PLXNA1: variants seen among roughly 807,000 people sequenced by gnomAD.
The protein encoded by PLXNA1 is plexin A1, also known as plexin-A1.
In PLXNA1, 77 loss-of-function variants were observed where a neutral mutation model predicts 191.7. That is an observed-to-expected ratio of 0.40 (90% CI 0.33 to 0.49). The LOEUF (loss-of-function observed/expected upper bound fraction) is 0.49. PLXNA1 is among the 20% of genes least tolerant of loss of function. The probability of loss-of-function intolerance (pLI) is 0.63; values close to 1 mark genes in which losing one functional copy is unlikely to be tolerated. For missense variants in PLXNA1, 2,110 were observed against 2,660.2 expected (o/e 0.79, Z 4.55); for synonymous variants, 1,137 against 1,156.4 (o/e 0.98, Z 0.34).
Position 127,017,734 on chromosome 3 carries a change from C to A in PLXNA1, c.3517-15C>A, listed in dbSNP as rs1400164084. ...CCCCTCGTCCTGGGCTCTGGCTCAC[C>A]CCCATCTCCTACAGGGCCGGAACCT... On this transcript the variant is annotated splice_polypyrimidine_tract_variant and intron_variant, in intron 18 of 31. Transcript: ENST00000393409. 6.2e-7 allele frequency: 1 copy of A among 1,613,302 alleles called. No individual in the cohort carries two copies. Among genetic ancestry groups the A allele is most frequent in the East Asian group, 2.2e-5 (1 of 44,862 alleles).
intron 1 of PLXNA1, 34 bp from the exon 2 acceptor site, chr3:126,988,487 T>C: frequency 1.0e-6 from 1 of 964,350 alleles, no homozygotes; most frequent in Non-Finnish European, 1.5e-6. Context: ...GGGCCATGCC[T>C]GCATTCACAT....
At chr3:127,006,239 C>T in intron 8 of PLXNA1, 61 bp downstream of exon 8, 3 of 1,297,450 alleles carry the variant, frequency 2.3e-6, no homozygotes, top group Non-Finnish European at 3.4e-6. Flanking sequence ...ACTCCCGTCC[C>T]TGTGGTCCCA....
Position 127,033,966 on chromosome 3 carries a change from G to T in PLXNA1, c.5640G>T (p.Arg1880=). The T allele has an allele frequency of 1.4e-5, 23 of 1,606,224 alleles. No homozygotes were observed. The highest frequency in any genetic ancestry group is 1.7e-4 in the Middle Eastern group (1 of 5,906). Residue 1880 remains arginine (R), a synonymous_variant, in exon 32 of 32, where the codon CGG becomes CGT. Transcript: ENST00000393409. ...LEKDEQARRQ[R]LRSKLEQVVD... Reference sequence around the variant, plus strand: ...AGGATGAGCAGGCGCGGCGGCAGCGGCTGCGGAGCAAGCTGGAGCAGGTGG... The same window carrying T: ...AGGATGAGCAGGCGCGGCGGCAGCGTCTGCGGAGCAAGCTGGAGCAGGTGG...
chr3:127,015,583 GA>G, intron 15 of PLXNA1, among the ~76,000 whole-genome samples: 1 of 152,344 alleles, frequency 6.6e-6, no homozygotes, highest in East Asian at 1.9e-4. Context: ...GGGAAGGGGG[GA>G]ATCCCTTGGG....
intron 21 of PLXNA1, among the ~76,000 whole-genome samples, chr3:127,021,594 G>A (rs151235457): frequency 1.3e-5 from 2 of 152,320 alleles, no homozygotes; most frequent in East Asian, 1.9e-4. Context: ...GTCGTGCATT[G>A]GTTATCATTG....
chr3:127,031,051 G>A (rs1207244039), intron 29 of PLXNA1, among the ~76,000 whole-genome samples: 3 of 152,172 alleles, frequency 2.0e-5, no homozygotes, highest in African/African-American at 7.2e-5. Flanking sequence ...TCCCTGGCCA[G>A]CCAGTCCCTT....
chr3:126,983,567 C>T (rs931025516), intron 1 of PLXNA1, among the ~76,000 whole-genome samples: 16 of 146,972 alleles, frequency 1.1e-4, no homozygotes, highest in African/African-American at 3.7e-4. Flanking sequence ...CACCCCCGTG[C>T]GGCGGGGCTG....
chr3:126,983,958 G>T (rs1487540805), intron 1 of PLXNA1, among the ~76,000 whole-genome samples: 1 of 152,196 alleles, frequency 6.6e-6, no homozygotes, highest in East Asian at 1.9e-4. Flanking sequence ...AGTGCGGGGA[G>T]GTGGGCTCTG....
rs556545622 is a variant in PLXNA1 at position 127,018,320 on chromosome 3, G to A, written c.3687G>A (p.Ser1229=). Residue 1229 remains serine (S), a synonymous_variant, in exon 20 of 32, where the codon TCG becomes TCA. Coordinates refer to ENST00000393409, the MANE Select transcript of PLXNA1 (RefSeq NM_032242.4). ...VTVRAGGFEF[S]PGTLQVYSDS... Reference sequence around the variant, plus strand: ...TGCGGGCAGGTGGCTTCGAGTTCTCGCCAGGGACACTGCAGGTGTACTCGG... The same window carrying A: ...TGCGGGCAGGTGGCTTCGAGTTCTCACCAGGGACACTGCAGGTGTACTCGG... 8 of 1,610,146 alleles carry A rather than the reference G, an allele frequency of 5.0e-6. No individual in the cohort carries two copies. Among genetic ancestry groups the A allele is most frequent in the South Asian group, 2.2e-5 (2 of 90,716 alleles).
In PLXNA1 at chr3:126,988,707, GC is replaced by G. The variant is rs764516334; in HGVS notation, c.120del (p.Phe41SerfsTer14). 1.3e-6 allele frequency: 2 copies of G among 1,572,490 alleles called. No individual in the cohort carries two copies. Among genetic ancestry groups the G allele is most frequent in the African/African-American group, 1.3e-5 (1 of 74,378 alleles). Reference sequence around the variant, plus strand: ...TGCCCAGGGCAGGCGGGGGTTCACAGCCCCCCTTCCGCACCTTCTCGGCCAG... The same window carrying G: ...TGCCCAGGGCAGGCGGGGGTTCACAGCCCCCTTCCGCACCTTCTCGGCCAG... Reference protein sequence around the residue: ...GLPRAGGGSQPPFRTFSASDW... With the variant: ...GLPRAGGGSQXPFRTFSASDW... On this transcript the variant is annotated frameshift_variant, in exon 2 of 32. Transcript: ENST00000393409. LOFTEE classifies it high-confidence loss of function.
Position 127,022,198 on chromosome 3 carries a change from C to CGGG in PLXNA1, c.4153_4154insGGG (p.Arg1384_Asp1385insGly). On this transcript the variant is annotated inframe_insertion, in exon 22 of 32. Transcript: ENST00000393409. ...AGGCACAGCGCAGCTTCTCCATGCG[C>CGGG]GACCGCGGGAATGTGGCCTCGCTCA... The CGGG allele has an allele frequency of 6.2e-7, 1 of 1,613,378 alleles. No homozygotes were observed. The highest frequency in any genetic ancestry group is 1.1e-5 in the South Asian group (1 of 91,066).
intron 1 of PLXNA1, among the ~76,000 whole-genome samples, chr3:126,987,888 G>A (rs1485426412): frequency 6.6e-6 from 1 of 152,170 alleles, no homozygotes; most frequent in Non-Finnish European, 1.5e-5. Flanking sequence ...GAGCAGCCCA[G>A]GCTGCCACCT....
Position 127,006,175 on chromosome 3 carries a change from A to G in PLXNA1, c.1994A>G (p.Gln665Arg). ...DFVFYNCSVHQSCLSCVNGSF... is the reference protein window; with the variant it reads ...DFVFYNCSVHRSCLSCVNGSF... ...GTCTTCTACAACTGCAGCGTCCACC[A>G]GTCGTGAGTGTCTCTAGGCCCCTCC... The change falls in exon 8 of 32, where the codon CAG becomes CGG. Residue 665 changes from glutamine to arginine, a missense_variant. By Grantham distance (43) the Gln-to-Arg change is conservative (BLOSUM62 1). Around this residue, in one of 4 missense-constraint regions of PLXNA1, gnomAD observed 903 missense variants for 1,015.7 expected, o/e 0.89. Coordinates refer to ENST00000393409, the MANE Select transcript of PLXNA1 (RefSeq NM_032242.4). 6.2e-7 allele frequency: 1 copy of G among 1,612,656 alleles called. No individual in the cohort carries two copies. The highest frequency in any genetic ancestry group is 8.5e-7 in the Non-Finnish European group (1 of 1,179,150).
chr3:126,984,072 G>C (rs2078945430), intron 1 of PLXNA1, among the ~76,000 whole-genome samples: 1 of 152,204 alleles, frequency 6.6e-6, no homozygotes, highest in Admixed American at 6.5e-5. Flanking sequence ...TTGCTTCCTG[G>C]ATAGTCCCGG....
In PLXNA1 at chr3:126,992,896, C is replaced by A. The variant is rs190223910; in HGVS notation, c.1377+1330C>A. 3.5e-3 allele frequency among the ~76,000 whole-genome samples: 529 copies of A among 152,306 alleles called. 4 individuals are homozygous for A. Among genetic ancestry groups the A allele is most frequent in the African/African-American group, 0.012 (499 of 41,568 alleles). ...CACTCCCTCTCCTCACACTGGAAGG[C>A]ACACAGGGCTCTCGAGCGCATGGGG... On this transcript the variant is annotated intron_variant, in intron 3 of 31. Transcript: ENST00000393409.
chr3:126,993,301 T>C (rs534918995), intron 3 of PLXNA1, among the ~76,000 whole-genome samples: 8 of 152,316 alleles, frequency 5.3e-5, no homozygotes, highest in South Asian at 4.1e-4. Context: ...CTTCCCCTTC[T>C]TCCTGCCCCC....
chr3:127,023,834 C>G (rs959608847), intron 23 of PLXNA1, among the ~76,000 whole-genome samples: 2 of 152,044 alleles, frequency 1.3e-5, no homozygotes, highest in East Asian at 3.9e-4. Context: ...GAGCAGAGGT[C>G]TGAAGACCAG....
intron 1 of PLXNA1, among the ~76,000 whole-genome samples, chr3:126,983,667 C>T (rs1186610463): frequency 6.6e-6 from 1 of 150,670 alleles, no homozygotes; most frequent in African/African-American, 2.4e-5. Context: ...TGGCGGGGGG[C>T]GGGCGCTGCC....
At chr3:126,983,991 C>T (rs1044839203) in intron 1 of PLXNA1, among the ~76,000 whole-genome samples, 1 of 152,174 alleles carries the variant, frequency 6.6e-6, no homozygotes, top group African/African-American at 2.4e-5. Context: ...GAGGCCGCCC[C>T]GCTCGGGCCT....
Sources: allele counts gnomAD v4.1 joint callset (sites outside exome capture counted in the v4.1 genomes callset), GRCh38; gene constraint gnomAD v4.1.1; regional missense constraint gnomAD v4.1.1; transcripts MANE v1.5; gene names NCBI Gene and HGNC (gene_info 2026-07-23, HGNC 2026-07-21).